The following ZNF362 variants were observed in gnomAD, a reference collection of about 807,000 sequenced individuals.
The protein encoded by ZNF362 is rotund homolog.
A neutral mutation model predicts 42.9 loss-of-function variants in ZNF362; 11 were observed. The ratio of observed to expected loss-of-function variants is 0.26; its 90% CI spans 0.16 to 0.42. The LOEUF (loss-of-function observed/expected upper bound fraction) is 0.42. Among genes scored for constraint, ZNF362 ranks in the 20% least tolerant of loss-of-function variants. The probability of loss-of-function intolerance (pLI) is 1.00; values close to 1 mark genes in which losing one functional copy is unlikely to be tolerated. For synonymous variants in ZNF362, 255 were observed against 257.3 expected (o/e 0.99, Z 0.09); for missense variants, 362 against 576.2 (o/e 0.63, Z 3.81).
chr1:33,241,356 G>T, the ZNF362 span, among the ~76,000 whole-genome samples: 3 of 151,916 alleles, frequency 2.0e-5, no homozygotes, highest in African/African-American at 7.3e-5. Flanking sequence ...TTAGCCAGGT[G>T]TGGGGGCGGG....
chr1:33,138,628 A>ACAAC, the ZNF362 span, among the ~76,000 whole-genome samples: 3 of 128,688 alleles, frequency 2.3e-5, no homozygotes, highest in African/African-American at 9.6e-5. Flanking sequence ...AACAACAACA[A>ACAAC]AAAAAAAAAA....
the ZNF362 span, chr1:33,181,196 C>T: frequency 6.3e-7 from 1 of 1,589,238 alleles, no homozygotes; most frequent in Non-Finnish European, 8.5e-7. The surrounding 1 kb of genome is among the most constrained non-coding windows in gnomAD (Gnocchi z 6.5). Context: ...TGGCGTCCAG[C>T]GGGAAGGAGC....
chr1:33,162,366 A>C, the ZNF362 span, among the ~76,000 whole-genome samples: 1 of 152,230 alleles, frequency 6.6e-6, no homozygotes, highest in Admixed American at 6.5e-5. Flanking sequence ...CTAGCTTGAA[A>C]GTGACCTCTT....
chr1:33,272,049 G>A (rs1195591943), intron 2 of ZNF362, among the ~76,000 whole-genome samples: 1 of 146,344 alleles, frequency 6.8e-6, no homozygotes, highest in African/African-American at 2.4e-5. Flanking sequence ...GGAGAGAGGG[G>A]GCTCCCGCTC....
the ZNF362 span, chr1:33,164,312 AG>A: frequency 6.6e-6 from 1 of 152,250 alleles, no homozygotes; most frequent in African/African-American, 2.4e-5. Context: ...TGACCTCCAG[AG>A]GCCCAGCGCA....
chr1:33,196,986 G>A, the ZNF362 span, among the ~76,000 whole-genome samples: 1 of 152,186 alleles, frequency 6.6e-6, no homozygotes, highest in East Asian at 1.9e-4. Flanking sequence ...CTCAATGTGG[G>A]TGGGTGCCAT....
upstream of ZNF362, among the ~76,000 whole-genome samples, chr1:33,256,279 C>T (rs1246043661): frequency 7.0e-6 from 1 of 143,856 alleles, no homozygotes; most frequent in Non-Finnish European, 1.5e-5. Context: ...GCCCCCTCCC[C>T]TCTCGCGCAG....
chr1:33,262,468 A>G (rs897483900), intron 1 of ZNF362, among the ~76,000 whole-genome samples: 3 of 151,732 alleles, frequency 2.0e-5, no homozygotes, highest in East Asian at 1.9e-4. Flanking sequence ...CACCACGCCC[A>G]GCTAATTTTT....
intron 1 of ZNF362, among the ~76,000 whole-genome samples, chr1:33,258,131 AT>A (rs2148057365): frequency 6.6e-6 from 1 of 152,280 alleles, no homozygotes; most frequent in African/African-American, 2.4e-5. Context: ...GTATGCTCTT[AT>A]TCCTTTCTGC....
chr1:33,212,452 G>T, the ZNF362 span, among the ~76,000 whole-genome samples: 1 of 152,126 alleles, frequency 6.6e-6, no homozygotes, highest in Admixed American at 6.6e-5. Context: ...GGCTATTGGT[G>T]TGTTGCTGTA....
chr1:33,252,311 C>T (rs1045944772), upstream of ZNF362, among the ~76,000 whole-genome samples: 1 of 152,218 alleles, frequency 6.6e-6, no homozygotes, highest in African/African-American at 2.4e-5. Flanking sequence ...GAGATTGCAT[C>T]ATTGCACTCC....
the ZNF362 span, among the ~76,000 whole-genome samples, chr1:33,239,378 T>C: frequency 4.6e-5 from 7 of 152,152 alleles, no homozygotes; most frequent in Non-Finnish European, 1.0e-4. Context: ...TATACTCACA[T>C]GGGTTTTTAA....
the ZNF362 span, among the ~76,000 whole-genome samples, chr1:33,152,304 G>A: frequency 6.6e-6 from 1 of 152,190 alleles, no homozygotes; most frequent in Admixed American, 6.5e-5. Flanking sequence ...GGTGGCTCAC[G>A]CCCGTAATTC....
the ZNF362 span, among the ~76,000 whole-genome samples, chr1:33,206,000 G>A: frequency 1.4e-4 from 21 of 152,110 alleles, no homozygotes; most frequent in Admixed American, 3.9e-4. Flanking sequence ...TGTTTATATA[G>A]TCAACTGATT....
At chr1:33,215,886 T>C in the ZNF362 span, among the ~76,000 whole-genome samples, 1 of 151,496 alleles carries the variant, frequency 6.6e-6, no homozygotes, top group East Asian at 1.9e-4. Context: ...ATATGCTTAT[T>C]ATGTATAACA....
chr1:33,246,451 C>G, the ZNF362 span, among the ~76,000 whole-genome samples: 12 of 152,186 alleles, frequency 7.9e-5, no homozygotes, highest in Non-Finnish European at 1.8e-4. Flanking sequence ...GCAGGCAGCA[C>G]CAATCGATGT....
At chr1:33,145,680 G>T in the ZNF362 span, 2 of 324,226 alleles carry the variant, frequency 6.2e-6, no homozygotes. Context: ...GTCAAGGCCG[G>T]GGAGACATTT....
chr1:33,227,341 G>A, the ZNF362 span, among the ~76,000 whole-genome samples: 1 of 152,160 alleles, frequency 6.6e-6, no homozygotes, highest in South Asian at 2.1e-4. Flanking sequence ...GTGACCCTCT[G>A]TGACTTCTGA....
the ZNF362 span, among the ~76,000 whole-genome samples, chr1:33,237,061 T>C: frequency 6.6e-6 from 1 of 152,044 alleles, no homozygotes; most frequent in African/African-American, 2.4e-5. Context: ...CAGAGCGAGA[T>C]TCTGTCTCAA....
Sources: gnomAD v4.1 joint callset for allele counts (sites outside exome capture counted in the v4.1 genomes callset) on GRCh38, gnomAD v4.1.1 for gene constraint, Gnocchi (gnomAD v3.1) non-coding constraint, MANE v1.5 for transcripts, NCBI Gene and HGNC (gene_info 2026-07-23, HGNC 2026-07-21) for gene names.